The following NAPB variants were observed in gnomAD, a reference collection of about 807,000 sequenced individuals.
The protein encoded by NAPB is NSF attachment protein beta, also known as beta-soluble NSF attachment protein.
NAPB carries 26 observed loss-of-function variants against 44.7 expected under a neutral mutation model. The observed-to-expected ratio is 0.58, with a 90% CI of 0.43 to 0.81. The LOEUF is 0.81. Ranked by LOEUF, NAPB falls within the 30% of genes least tolerant of loss-of-function variation. The probability of loss-of-function intolerance (pLI) is 0.00; values close to 1 mark genes in which losing one functional copy is unlikely to be tolerated. For synonymous variants in NAPB, 120 were observed against 116.8 expected, an observed-to-expected ratio of 1.03 and a Z score of -0.18; for missense variants, 315 against 356.4, an observed-to-expected ratio of 0.88 and a Z score of 0.94.
intron 7 of NAPB, among the ~76,000 whole-genome samples, chr20:23,389,692 A>G (rs1040455701): frequency 2.0e-5 from 3 of 152,230 alleles, no homozygotes; most frequent in Admixed American, 1.3e-4. Context: ...AAATCCATAT[A>G]GACAGAGAGT....
intron 7 of NAPB, 147 bp from the exon 8 acceptor site, chr20:23,381,464 G>T (rs1235912583): frequency 2.7e-5 from 14 of 528,260 alleles, no homozygotes; most frequent in Non-Finnish European, 4.6e-5. Flanking sequence ...ATACCATATA[G>T]TAGAAATTTT....
chr20:23,384,099 A>G (rs1983269399), intron 7 of NAPB, among the ~76,000 whole-genome samples: 1 of 152,234 alleles, frequency 6.6e-6, no homozygotes, highest in African/African-American at 2.4e-5. Flanking sequence ...TTGAAAATAC[A>G]GTATTCTTAG....
rs1215478482 is a variant in NAPB at position 23,376,280 on chromosome 20, G to A, written c.*1096C>T. 6.6e-6 allele frequency: 1 copy of A among 152,140 alleles called. No homozygotes were observed. Among genetic ancestry groups the A allele is most frequent in the Non-Finnish European group, 1.5e-5 (1 of 68,046 alleles). 9.4% of individuals were successfully genotyped at this position (152,140 alleles called of 1,614,324 possible). A position where few individuals can be genotyped will look rare whatever the true frequency, so the allele number is the denominator to read the frequency against. On this transcript the variant is annotated 3_prime_UTR_variant, in exon 11 of 11. Coordinates refer to ENST00000377026, the MANE Select transcript of NAPB (RefSeq NM_022080.3). ...TATATTATATAAACCAATTAAACAC[G>A]ACAGAGTTCAAACACATAAGCCAAC...
At chr20:23,408,274 T>C (rs1423915807) in intron 1 of NAPB, among the ~76,000 whole-genome samples, 1 of 152,184 alleles carries the variant, frequency 6.6e-6, no homozygotes, top group Non-Finnish European at 1.5e-5. Flanking sequence ...TCTCATTATT[T>C]ACCAGCAGTA....
At chr20:23,392,476 G>A (rs1984035609) in intron 5 of NAPB, among the ~76,000 whole-genome samples, 1 of 151,958 alleles carries the variant, frequency 6.6e-6, no homozygotes, top group South Asian at 2.1e-4. Context: ...GACCAGCCTG[G>A]GCAACATGAA....
intron 9 of NAPB, 97 bp from the exon 10 acceptor site, chr20:23,379,592 G>A (rs1982835001): frequency 7.4e-6 from 7 of 939,854 alleles, no homozygotes; most frequent in Non-Finnish European, 9.7e-6. Flanking sequence ...GCCAAATATT[G>A]CACAAAACTG....
chr20:23,418,692 C>T (rs983046102), intron 1 of NAPB, among the ~76,000 whole-genome samples: 1 of 151,212 alleles, frequency 6.6e-6, no homozygotes, highest in Non-Finnish European at 1.5e-5. Flanking sequence ...AATCCCAGCA[C>T]TTTGGGAGGC....
At position 23,379,855 on chromosome 20, in the gene NAPB, A is replaced by C; in HGVS notation, c.735+12T>G. 1 of 1,593,376 alleles carries C rather than the reference A, an allele frequency of 6.3e-7. No homozygotes were observed. Among genetic ancestry groups the C allele is most frequent in the South Asian group, 1.1e-5 (1 of 90,168 alleles). ...CAAAAGCATTTTTCTTCAAAGTTCT[A>C]ATATTACTTACTTTCAATAATTTAC... On this transcript the variant is annotated intron_variant, in intron 9 of 10. Transcript: ENST00000377026.
At chr20:23,380,388 C>T (rs978061263) in intron 8 of NAPB, among the ~76,000 whole-genome samples, 1 of 152,214 alleles carries the variant, frequency 6.6e-6, no homozygotes. Context: ...CCTCTTGGCT[C>T]CCAGTGCTCA....
chr20:23,409,931 C>G (rs140337755), intron 1 of NAPB, among the ~76,000 whole-genome samples: 15 of 152,278 alleles, frequency 9.9e-5, no homozygotes, highest in African/African-American at 3.6e-4. Context: ...AATCATTGTC[C>G]AGGGAAGAAC....
chr20:23,420,813 C>G (rs896293088), intron 1 of NAPB, among the ~76,000 whole-genome samples: 4 of 151,586 alleles, frequency 2.6e-5, no homozygotes, highest in African/African-American at 9.7e-5. Flanking sequence ...CTGACAGCCC[C>G]CCCCCCAGAG....
chr20:23,405,550 T>A (rs893618333), intron 1 of NAPB, among the ~76,000 whole-genome samples: 1 of 151,964 alleles, frequency 6.6e-6, no homozygotes, highest in African/African-American at 2.4e-5. Context: ...TGGTGAAACC[T>A]CCATCTCTAG....
chr20:23,376,676 T>C lies in NAPB; in HGVS notation c.*700A>G, dbSNP rs1239096730. On this transcript the variant is annotated 3_prime_UTR_variant, in exon 11 of 11. Coordinates refer to ENST00000377026, the MANE Select transcript of NAPB (RefSeq NM_022080.3). The stretch of plus-strand genomic sequence containing the variant: ...ATTCCATTTCTAACAGATCTTGTGA[T>C]ATGTGTGTGTGTGTAAACGCGTGTG... 1 of 152,242 alleles carries C rather than the reference T, an allele frequency of 6.6e-6. No homozygotes were observed. Among genetic ancestry groups the C allele is most frequent in the Non-Finnish European group, 1.5e-5 (1 of 68,046 alleles). The allele number at this position is 152,242 out of a possible 1,614,324, so 9.4% of individuals were successfully genotyped here.
At position 23,388,817 on chromosome 20, in the gene NAPB, A is replaced by G. The variant is rs185104953; in HGVS notation, c.561+1129T>C. Among the ~76,000 whole-genome samples, 140 of 104,690 alleles carry G rather than the reference A, an allele frequency of 1.3e-3. 1 individual carries two copies. Among genetic ancestry groups the G allele is most frequent in the African/African-American group, 7.5e-3 (137 of 18,222 alleles). The allele number at this position is 104,690 out of a possible 152,430, so 68.7% of individuals were successfully genotyped here. On this transcript the variant is annotated intron_variant, in intron 7 of 10. Coordinates refer to ENST00000377026, the MANE Select transcript of NAPB (RefSeq NM_022080.3). ...AACTATACAATTCCTATAACAAAACAGAAAGGAAAAGCCTCATATCAGATT... is the reference window on the plus strand; with the variant it reads ...AACTATACAATTCCTATAACAAAACGGAAAGGAAAAGCCTCATATCAGATT...
intron 1 of NAPB, among the ~76,000 whole-genome samples, chr20:23,418,991 G>C: frequency 6.6e-6 from 1 of 152,042 alleles, no homozygotes; most frequent in Admixed American, 6.6e-5. Flanking sequence ...TGAAATTCTG[G>C]AAAAGTTATC....
intron 5 of NAPB, among the ~76,000 whole-genome samples, chr20:23,394,421 C>A (rs922022758): frequency 2.6e-5 from 4 of 152,152 alleles, no homozygotes; most frequent in African/African-American, 9.7e-5. Context: ...ATCTGAGAAT[C>A]CAGTCCCAGA....
At chr20:23,379,345 T>C (rs778579196) in intron 10 of NAPB, 100 bp downstream of exon 10, 223 of 899,788 alleles carry the variant, frequency 2.5e-4, no homozygotes, top group Non-Finnish European at 5.0e-5. Flanking sequence ...GCTGGAGTCA[T>C]GTTCAAATAA....
intron 1 of NAPB, among the ~76,000 whole-genome samples, chr20:23,411,114 G>C (rs2424546): frequency 0.016 from 2,406 of 152,030 alleles, 35 homozygotes; most frequent in Middle Eastern, 0.031. Flanking sequence ...TCCATGTAAT[G>C]AGAGTCCCTA....
chr20:23,416,095 T>C (rs1411452455), intron 1 of NAPB, among the ~76,000 whole-genome samples: 7 of 152,226 alleles, frequency 4.6e-5, no homozygotes. Flanking sequence ...CATTAATACA[T>C]TCATTCTCTC....
Sources: allele counts gnomAD v4.1 joint callset (sites outside exome capture counted in the v4.1 genomes callset), GRCh38; gene constraint gnomAD v4.1.1; transcripts MANE v1.5; gene names NCBI Gene and HGNC (gene_info 2026-07-23, HGNC 2026-07-21).